KAT6B: variants seen among roughly 807,000 people sequenced by gnomAD.
KAT6B encodes the protein lysine acetyltransferase 6B.
In KAT6B, 10 loss-of-function variants were observed where a neutral mutation model predicts 187.5. That is an observed-to-expected ratio of 0.05 (90% CI 0.03 to 0.09). The LOEUF (loss-of-function observed/expected upper bound fraction) is 0.09. Among genes scored for constraint, KAT6B ranks in the 10% least tolerant of loss-of-function variants. The pLI is 1.00. For synonymous variants in KAT6B, 861 were observed against 926.8 expected, an observed-to-expected ratio of 0.93 and a Z score of 1.29; for missense variants, 1,952 against 2,558.9, an observed-to-expected ratio of 0.76 and a Z score of 5.12.
chr10:74,892,675 A>C (rs965142986), intron 3 of KAT6B, among the ~76,000 whole-genome samples: 7 of 152,126 alleles, frequency 4.6e-5, no homozygotes, highest in African/African-American at 1.7e-4. Context: ...CCTAGTCATT[A>C]GAGAAAGGCC....
chr10:74,988,915 T>A, intron 12 of KAT6B, 104 bp from the exon 13 acceptor site: 14 of 776,184 alleles, frequency 1.8e-5, no homozygotes, highest in East Asian at 5.2e-5. Flanking sequence ...ACCTAACCCA[T>A]TGGCTTTCTT....
At position 74,872,007 on chromosome 10, in the gene KAT6B, G is replaced by A. The variant is rs556059276; in HGVS notation, c.621+28529G>A. On this transcript the variant is annotated intron_variant, in intron 3 of 17. Transcript: ENST00000287239. ...GCAGCAGGTCCTTTAAAAATCAAAG[G>A]AAAACAGGCTCCTGGATAGGTGTGA... is the stretch of plus-strand genomic sequence containing the variant. Among the ~76,000 whole-genome samples the A allele has an allele frequency of 5.3e-5, 8 of 152,246 alleles. No homozygotes were observed. The South Asian group carries it at 1.7e-3, about 32-fold the overall frequency.
Position 75,031,157 on chromosome 10 carries a change from A to T in KAT6B, c.*111A>T. On this transcript the variant is annotated 3_prime_UTR_variant, in exon 18 of 18. Coordinates refer to ENST00000287239, the MANE Select transcript of KAT6B (RefSeq NM_012330.4). Reference sequence around the variant, plus strand: ...CAGCAATTGGTGTGAATGCAAAAACATTTGTTGGCACCATTTATTTAAAAA... The same window carrying T: ...CAGCAATTGGTGTGAATGCAAAAACTTTTGTTGGCACCATTTATTTAAAAA... The T allele has an allele frequency of 1.7e-6, 2 of 1,200,966 alleles. No homozygotes were observed. Among genetic ancestry groups the T allele is most frequent in the South Asian group, 2.6e-5 (2 of 75,524 alleles). The allele number at this position is 1,200,966 out of a possible 1,614,324, so 74.4% of individuals were successfully genotyped here.
intron 3 of KAT6B, among the ~76,000 whole-genome samples, chr10:74,880,389 G>A (rs1844759179): frequency 6.6e-6 from 1 of 152,154 alleles, no homozygotes; most frequent in Non-Finnish European, 1.5e-5. Flanking sequence ...GTTCTTTTAA[G>A]CTGTAGTATG....
rs377678317 is a variant in KAT6B, at chr10:74,837,340, A to G, written c.-328-1343A>G. Among the ~76,000 whole-genome samples, 17 of 152,348 alleles carry G rather than the reference A, an allele frequency of 1.1e-4. No individual in the cohort carries two copies. In the East Asian group the frequency reaches 2.9e-3, roughly 26 times the overall value. ...AATGATTCACAACCTTAGAAAATAG[A>G]ATAATTTAATTTGATGTAGCACAAA... On this transcript the variant is annotated intron_variant, in intron 1 of 17. Transcript: ENST00000287239.
intron 4 of KAT6B, among the ~76,000 whole-genome samples, chr10:74,960,339 A>C (rs371342946): frequency 2.0e-5 from 3 of 152,272 alleles, no homozygotes. Flanking sequence ...TTGGTAATTC[A>C]GTGTGGAGAT....
Position 74,841,449 on chromosome 10 carries a change from C to G in KAT6B, c.-258-1151C>G, listed in dbSNP as rs975128759. Among the ~76,000 whole-genome samples the G allele has an allele frequency of 6.6e-5, 10 of 152,148 alleles. No individual in the cohort carries two copies. In the East Asian group the frequency reaches 1.9e-3, roughly 29 times the overall value. On this transcript the variant is annotated intron_variant, in intron 2 of 17. Coordinates refer to ENST00000287239, the MANE Select transcript of KAT6B (RefSeq NM_012330.4). ...GGTGTGGTGGCACATTCCTGTAATC[C>G]CAGCCACTTGGGAGGCTGTGCAGGA...
chr10:74,963,465 G>A (rs1178752686), intron 4 of KAT6B, among the ~76,000 whole-genome samples: 1 of 152,156 alleles, frequency 6.6e-6, no homozygotes, highest in Non-Finnish European at 1.5e-5. Flanking sequence ...ATTGAAACGG[G>A]AGACAGAAGA....
intron 3 of KAT6B, among the ~76,000 whole-genome samples, chr10:74,874,448 C>T (rs1347897575): frequency 2.6e-5 from 4 of 152,058 alleles, no homozygotes; most frequent in Non-Finnish European, 5.9e-5. Flanking sequence ...GGCGCAATCT[C>T]GGCACACTGC....
chr10:74,915,343 A>G (rs1476044707), intron 3 of KAT6B, among the ~76,000 whole-genome samples: 2 of 152,148 alleles, frequency 1.3e-5, no homozygotes, highest in Non-Finnish European at 2.9e-5. Flanking sequence ...TGAATATGCC[A>G]TGTTCCATGC....
chr10:74,939,405 GTTGT>G (rs1849502177), intron 3 of KAT6B, among the ~76,000 whole-genome samples: 1 of 151,814 alleles, frequency 6.6e-6, no homozygotes, highest in African/African-American at 2.4e-5. Context: ...TTTTGTTGTT[GTTGT>G]TTATTTGTTT....
intron 13 of KAT6B, among the ~76,000 whole-genome samples, chr10:75,005,128 A>G (rs1844115286): frequency 6.6e-6 from 1 of 152,144 alleles, no homozygotes; most frequent in Admixed American, 6.5e-5. Flanking sequence ...TCCAGCTTGT[A>G]ATAGAGACAT....
At chr10:74,897,281 C>T (rs368638459) in intron 3 of KAT6B, among the ~76,000 whole-genome samples, 34 of 152,288 alleles carry the variant, frequency 2.2e-4, no homozygotes, top group African/African-American at 7.2e-4. Context: ...CTGGCACAGA[C>T]GCAAATCCTG....
At chr10:75,027,721 G>A (rs16931935) in intron 17 of KAT6B, among the ~76,000 whole-genome samples, 4,941 of 152,156 alleles carry the variant, frequency 0.032, 142 homozygotes, top group East Asian at 0.083. Flanking sequence ...ATTATGGTTT[G>A]TTTCTAAGTG....
chr10:74,934,998 AG>A (rs765170344), intron 3 of KAT6B, among the ~76,000 whole-genome samples: 51 of 152,232 alleles, frequency 3.4e-4, no homozygotes, highest in Non-Finnish European at 6.3e-4. Context: ...TGAAGAAAGC[AG>A]GTTCTGAGAT....
intron 3 of KAT6B, among the ~76,000 whole-genome samples, chr10:74,896,589 C>G (rs1846009225): frequency 6.6e-6 from 1 of 152,166 alleles, no homozygotes; most frequent in Non-Finnish European, 1.5e-5. Flanking sequence ...AACACCCGGC[C>G]TATTTGTGTA....
intron 4 of KAT6B, among the ~76,000 whole-genome samples, chr10:74,962,881 T>C (rs930233957): frequency 6.6e-6 from 1 of 152,144 alleles, no homozygotes; most frequent in African/African-American, 2.4e-5. Context: ...AAAAAATCAT[T>C]CAAGTTTATA....
chr10:74,914,651 A>G (rs558546307), intron 3 of KAT6B, among the ~76,000 whole-genome samples: 200 of 152,318 alleles, frequency 1.3e-3, no homozygotes, highest in African/African-American at 4.5e-3. Flanking sequence ...TTTGAATTCA[A>G]CAATTTAAAA....
intron 13 of KAT6B, among the ~76,000 whole-genome samples, chr10:74,992,825 G>T (rs1447593253): frequency 1.3e-5 from 2 of 152,192 alleles, no homozygotes; most frequent in Non-Finnish European, 2.9e-5. Flanking sequence ...CATTTGCAGA[G>T]TTTGGCCAGA....
Sources: allele counts gnomAD v4.1 joint callset (sites outside exome capture counted in the v4.1 genomes callset), GRCh38; gene constraint gnomAD v4.1.1; transcripts MANE v1.5; gene names NCBI Gene and HGNC (gene_info 2026-07-23, HGNC 2026-07-21).